The following HS3ST5 variants were observed in gnomAD, a reference collection of about 807,000 sequenced individuals.
HS3ST5 encodes heparan sulfate-glucosamine 3-sulfotransferase 5, also known as heparan sulfate glucosamine 3-O-sulfotransferase 5.
In HS3ST5, 10 loss-of-function variants were observed where a neutral mutation model predicts 25.4. That is an observed-to-expected ratio of 0.39 (90% CI 0.24 to 0.67). The LOEUF (loss-of-function observed/expected upper bound fraction) is 0.67, where lower values mean the gene tolerates loss of function less well. Ranked by LOEUF, HS3ST5 falls within the 30% of genes least tolerant of loss-of-function variation. HS3ST5 has a pLI of 0.44. For synonymous variants in HS3ST5, 170 were observed against 162.4 expected (o/e 1.05, Z -0.36); for missense variants, 324 against 420.7 (o/e 0.77, Z 2.01).
At chr6:114,164,203 C>G (rs1429299084) in intron 3 of HS3ST5, among the ~76,000 whole-genome samples, 1 of 151,872 alleles carries the variant, frequency 6.6e-6, no homozygotes, top group African/African-American at 2.4e-5. Context: ...AAAAATTATT[C>G]CTATAAATAA....
intron 1 of HS3ST5, among the ~76,000 whole-genome samples, chr6:114,341,870 T>C (rs893977474): frequency 6.6e-6 from 1 of 151,806 alleles, no homozygotes; most frequent in African/African-American, 2.4e-5. Flanking sequence ...GTTCCCTTTC[T>C]CCCTCAAAGA....
chr6:114,240,322 G>T (rs377669555), intron 1 of HS3ST5, among the ~76,000 whole-genome samples: 3 of 152,162 alleles, frequency 2.0e-5, no homozygotes, highest in African/African-American at 2.4e-5. Flanking sequence ...TAAAGCACTG[G>T]TTTGGCATTA....
At chr6:114,306,746 C>T (rs1173382300) in intron 1 of HS3ST5, among the ~76,000 whole-genome samples, 1 of 152,082 alleles carries the variant, frequency 6.6e-6, no homozygotes, top group Non-Finnish European at 1.5e-5. Context: ...AAGTGCTTTA[C>T]AATCCAGAAT....
chr6:114,145,587 G>A (rs1173465833), intron 3 of HS3ST5, among the ~76,000 whole-genome samples: 1 of 152,182 alleles, frequency 6.6e-6, no homozygotes, highest in Non-Finnish European at 1.5e-5. Context: ...TACATGGGCA[G>A]AAAATGACAG....
intron 3 of HS3ST5, among the ~76,000 whole-genome samples, chr6:114,114,733 T>G (rs1037333884): frequency 1.3e-5 from 2 of 152,132 alleles, no homozygotes; most frequent in Non-Finnish European, 2.9e-5. Flanking sequence ...AAGCAATATA[T>G]ATTACTTAGA....
intron 1 of HS3ST5, among the ~76,000 whole-genome samples, chr6:114,263,101 T>A (rs1199649436): frequency 1.3e-5 from 2 of 152,156 alleles, no homozygotes; most frequent in Non-Finnish European, 2.9e-5. Context: ...GGGAAATCAA[T>A]ATCTCCCATG....
chr6:114,335,889 T>A (rs1776590498), intron 1 of HS3ST5, among the ~76,000 whole-genome samples: 1 of 152,058 alleles, frequency 6.6e-6, no homozygotes, highest in South Asian at 2.1e-4. Flanking sequence ...CTTGACCTTG[T>A]GATCTACCCG....
chr6:114,066,885 C>T (rs1292489119), intron 3 of HS3ST5, among the ~76,000 whole-genome samples: 2 of 151,964 alleles, frequency 1.3e-5, no homozygotes, highest in Non-Finnish European at 2.9e-5. Flanking sequence ...GTTATTTTGT[C>T]CCTCATCTAT....
At chr6:114,120,572 G>A (rs1261867288) in intron 3 of HS3ST5, among the ~76,000 whole-genome samples, 6 of 151,980 alleles carry the variant, frequency 3.9e-5, no homozygotes, top group African/African-American at 1.5e-4. Context: ...GATTATTTTG[G>A]TCATTTTTTT....
At chr6:114,216,598 C>T (rs1781774421) in intron 2 of HS3ST5, among the ~76,000 whole-genome samples, 1 of 151,894 alleles carries the variant, frequency 6.6e-6, no homozygotes, top group Non-Finnish European at 1.5e-5. Flanking sequence ...AAAAAGTGAA[C>T]TAGAGAATGA....
intron 1 of HS3ST5, among the ~76,000 whole-genome samples, chr6:114,310,674 G>A (rs1403087359): frequency 2.6e-5 from 4 of 151,932 alleles, no homozygotes; most frequent in South Asian, 2.1e-4. Context: ...AAAACTCATG[G>A]GAAGTTAAAA....
intron 2 of HS3ST5, among the ~76,000 whole-genome samples, chr6:114,189,280 A>T (rs1199697918): frequency 6.6e-6 from 1 of 151,994 alleles, no homozygotes; most frequent in African/African-American, 2.4e-5. Context: ...CACTTTATGA[A>T]ATCTGAATTT....
At chr6:114,093,353 TTGTGTGTGTGTGTGTGTGTGTGTGTG>T (rs60927880) in intron 3 of HS3ST5, among the ~76,000 whole-genome samples, 2 of 134,204 alleles carry the variant, frequency 1.5e-5, no homozygotes, top group African/African-American at 2.7e-5. Flanking sequence ...GTTTGTTTGT[TTGTGTGTGTGTGTGTGTGTGTGTGTG>T]TGTGTGTGTG....
intron 1 of HS3ST5, among the ~76,000 whole-genome samples, chr6:114,283,313 T>C (rs970206918): frequency 6.6e-6 from 1 of 151,892 alleles, no homozygotes; most frequent in Non-Finnish European, 1.5e-5. Context: ...CAAGATGATA[T>C]ATATCATTGC....
chr6:114,141,951 C>G (rs535119132), intron 3 of HS3ST5, among the ~76,000 whole-genome samples: 1 of 151,270 alleles, frequency 6.6e-6, no homozygotes, highest in Non-Finnish European at 1.5e-5. Context: ...AGATCCTTAT[C>G]TATTTGAATA....
chr6:114,125,701 T>A lies in HS3ST5; in HGVS notation c.-33+42650A>T, dbSNP rs972558439. Among the ~76,000 whole-genome samples the A allele has an allele frequency of 5.3e-5, 8 of 152,182 alleles. No homozygotes were observed. In the East Asian group the frequency reaches 1.3e-3, roughly 26 times the overall value. On this transcript the variant is annotated intron_variant, in intron 3 of 4. Transcript: ENST00000312719. ...CTCCACCTGATTAATAGATACCCAC[T>A]GTGCAGGGAGAGTACTTAGTTGATG...
rs542674337 is a variant in HS3ST5 at position 114,133,834 on chromosome 6, A to G, written c.-33+34517T>C. 6.6e-5 allele frequency among the ~76,000 whole-genome samples: 10 copies of G among 152,196 alleles called. No homozygotes were observed. The South Asian group carries it at 1.2e-3, about 19-fold the overall frequency. ...TAGGGTGCAGGGGCTTGTTCAGGAC[A>G]GTTTCCAGGGAGGTGATTATAAGAT... On this transcript the variant is annotated intron_variant, in intron 3 of 4. Transcript: ENST00000312719.
chr6:114,193,498 G>T (rs1429574914), intron 2 of HS3ST5, among the ~76,000 whole-genome samples: 1 of 152,186 alleles, frequency 6.6e-6, no homozygotes, highest in Non-Finnish European at 1.5e-5. Context: ...AGTGTCACAT[G>T]AAGGTTAAGA....
At chr6:114,089,879 G>A (rs1483326251) in intron 3 of HS3ST5, among the ~76,000 whole-genome samples, 1 of 152,036 alleles carries the variant, frequency 6.6e-6, no homozygotes, top group Non-Finnish European at 1.5e-5. Flanking sequence ...TAGTACACAT[G>A]GAAAGAAAAC....
Sources: gnomAD v4.1 joint callset for allele counts (sites outside exome capture counted in the v4.1 genomes callset) on GRCh38, gnomAD v4.1.1 for gene constraint, MANE v1.5 for transcripts, NCBI Gene and HGNC (gene_info 2026-07-23, HGNC 2026-07-21) for gene names.